Variants in FLT3 observed in about 807,000 individuals in gnomAD.
FLT3 encodes receptor-type tyrosine-protein kinase FLT3.
FLT3 carries 46 observed loss-of-function variants against 126.6 expected under a neutral mutation model. The ratio of observed to expected loss-of-function variants is 0.36; its 90% CI spans 0.29 to 0.46. The LOEUF (loss-of-function observed/expected upper bound fraction) is 0.46, where lower values mean the gene tolerates loss of function less well. Ranked by LOEUF, FLT3 falls within the 20% of genes least tolerant of loss-of-function variation. The pLI is 1.00. For synonymous variants in FLT3, 404 were observed against 434.4 expected (o/e 0.93, Z 0.87); for missense variants, 1,069 against 1,190.3 (o/e 0.90, Z 1.50).
At chr13:28,047,518 C>A (rs1874993248) in intron 9 of FLT3, among the ~76,000 whole-genome samples, 1 of 151,990 alleles carries the variant, frequency 6.6e-6, no homozygotes, top group Non-Finnish European at 1.5e-5. Flanking sequence ...CGAGACCAGC[C>A]TGCGCAACAT....
At chr13:28,086,972 C>T (rs1028299843) in intron 1 of FLT3, among the ~76,000 whole-genome samples, 1 of 152,030 alleles carries the variant, frequency 6.6e-6, no homozygotes, top group Admixed American at 6.6e-5. Context: ...TTTAACAGTT[C>T]CTATTGTGCC....
At chr13:28,037,576 T>TGA (rs1264730401) in intron 9 of FLT3, among the ~76,000 whole-genome samples, 1 of 152,166 alleles carries the variant, frequency 6.6e-6, no homozygotes. Flanking sequence ...GATCACCATG[T>TGA]GAGTCATATG....
chr13:28,077,364 G>A (rs1309792373), intron 1 of FLT3, among the ~76,000 whole-genome samples: 2 of 152,140 alleles, frequency 1.3e-5, no homozygotes, highest in South Asian at 2.1e-4. Context: ...GGCAGGAGGC[G>A]AAAGGCACTT....
Position 28,015,583 on chromosome 13 carries a change from A to G in FLT3, c.2653+7T>C. ...AGCCAAGGGAGGCCAGCAGCTGCCCAACTTACCAAGTGAGAAGATTTCCCA... is the reference window on the plus strand; with the variant it reads ...AGCCAAGGGAGGCCAGCAGCTGCCCGACTTACCAAGTGAGAAGATTTCCCA... On this transcript the variant is annotated splice_region_variant and intron_variant, in intron 21 of 23. Transcript: ENST00000241453. 6.3e-7 allele frequency: 1 copy of G among 1,579,164 alleles called. No individual in the cohort carries two copies. Among genetic ancestry groups the G allele is most frequent in the Non-Finnish European group, 8.7e-7 (1 of 1,149,686 alleles).
intron 2 of FLT3, among the ~76,000 whole-genome samples, chr13:28,065,673 TAA>T (rs1876957311): frequency 7.9e-6 from 1 of 127,272 alleles, no homozygotes. Flanking sequence ...ATAATAATAA[TAA>T]TAATAATCCA....
rs1566113614 is a variant in FLT3, at chr13:28,100,349, G to A, written c.43+119C>T. The A allele has an allele frequency of 1.5e-6, 1 of 665,362 alleles. No individual in the cohort carries two copies. The allele number at this position is 665,362 out of a possible 1,614,324, so 41.2% of individuals were successfully genotyped here. Reference sequence around the variant, plus strand: ...GGGAGGGGCGCGGGAGGCAATGGAAGGAGCGAGCGCGGGGAGGAGCGAGGC... The same window carrying A: ...GGGAGGGGCGCGGGAGGCAATGGAAAGAGCGAGCGCGGGGAGGAGCGAGGC... On this transcript the variant is annotated intron_variant, in intron 1 of 23. Transcript: ENST00000241453. This position sits in a 1 kb window ranked among gnomAD's most constrained non-coding sequence, Gnocchi z 4.8.
At chr13:28,071,449 T>C (rs575819881) in intron 1 of FLT3, among the ~76,000 whole-genome samples, 1 of 152,296 alleles carries the variant, frequency 6.6e-6, no homozygotes, top group African/African-American at 2.4e-5. Context: ...CTTTTCAATC[T>C]AGAAATTCAT....
Position 28,003,891 on chromosome 13 carries a change from T to C in FLT3, c.*161A>G, listed in dbSNP as rs1038559609. The C allele has an allele frequency of 3.9e-6, 3 of 778,388 alleles. No homozygotes were observed. The Admixed American group carries it at 8.4e-5, about 22-fold the overall frequency. 48.2% of individuals were successfully genotyped at this position (778,388 alleles called of 1,614,324 possible). A position where few individuals can be genotyped will look rare whatever the true frequency, so the allele number is the denominator to read the frequency against. On this transcript the variant is annotated 3_prime_UTR_variant, in exon 24 of 24. Coordinates refer to ENST00000241453, the MANE Select transcript of FLT3 (RefSeq NM_004119.3). ...ATGATTTGATTTTACAAAAGTCCCTTTGAAAACAAGAGTAAACGCAGACAG... is the reference window on the plus strand; with the variant it reads ...ATGATTTGATTTTACAAAAGTCCCTCTGAAAACAAGAGTAAACGCAGACAG...
intron 1 of FLT3, among the ~76,000 whole-genome samples, chr13:28,078,929 G>A (rs527316628): frequency 7.2e-4 from 110 of 152,240 alleles, no homozygotes; most frequent in African/African-American, 2.5e-3. Flanking sequence ...TGCTAGGCTG[G>A]TCTTGAACTC....
chr13:28,064,370 C>T (rs1056685300), intron 2 of FLT3, among the ~76,000 whole-genome samples: 1 of 151,856 alleles, frequency 6.6e-6, no homozygotes, highest in African/African-American at 2.4e-5. Context: ...GTCAGGAGTT[C>T]GAGACCAGCC....
At chr13:28,093,883 G>T (rs1040194544) in intron 1 of FLT3, among the ~76,000 whole-genome samples, 2 of 151,914 alleles carry the variant, frequency 1.3e-5, no homozygotes, top group South Asian at 4.2e-4. Flanking sequence ...AGACATAGAC[G>T]GCGCTCAAAA....
chr13:28,057,033 G>A (rs540142232), intron 4 of FLT3, among the ~76,000 whole-genome samples: 4 of 152,150 alleles, frequency 2.6e-5, no homozygotes, highest in Admixed American at 2.6e-4. Context: ...TTAGAACAGA[G>A]GTCTTCTGAT....
At position 28,014,443 on chromosome 13, in the gene FLT3, G is replaced by A; in HGVS notation, c.2859+9C>T. ...TGTAAAGCTTTATAAAGTCCTGGCT[G>A]CTACATACCGCTTCTTCTGCATCTG... On this transcript the variant is annotated intron_variant, in intron 23 of 23. Transcript: ENST00000241453. 1 of 1,584,658 alleles carries A rather than the reference G, an allele frequency of 6.3e-7. No individual in the cohort carries two copies. The highest frequency in any genetic ancestry group is 8.7e-7 in the Non-Finnish European group (1 of 1,153,218).
intron 20 of FLT3, among the ~76,000 whole-genome samples, chr13:28,017,671 T>G (rs142251311): frequency 0.091 from 13,743 of 150,614 alleles, 697 homozygotes; most frequent in Middle Eastern, 0.11. Flanking sequence ...TGTTGTTTTT[T>G]TTTTTTTTTT....
chr13:28,004,166 C>T lies in FLT3; in HGVS notation c.2868G>A (p.Gln956=), dbSNP rs1226180343. Residue 956 remains glutamine, a synonymous_variant, in exon 24 of 24, where the codon CAG becomes CAA. Coordinates refer to ENST00000241453, the MANE Select transcript of FLT3 (RefSeq NM_004119.3). ...QLADAEEAMY[Q]NVDGRVSECP... is the part of the protein sequence containing the mutation. ...ATTCCGAAACACGGCCATCCACATT[C>T]TGATACATCTGAATGTGGGAAAGAG... 3.7e-6 allele frequency: 6 copies of T among 1,613,924 alleles called. No individual in the cohort carries two copies. Among genetic ancestry groups the T allele is most frequent in the South Asian group, 2.2e-5 (2 of 91,072 alleles).
chr13:28,038,892 C>T lies in FLT3; in HGVS notation c.1206-1604G>A, dbSNP rs150506197. Among the ~76,000 whole-genome samples, 103 of 152,156 alleles carry T rather than the reference C, an allele frequency of 6.8e-4. No homozygotes were observed. In the East Asian group the frequency reaches 0.012, roughly 18 times the overall value. On this transcript the variant is annotated intron_variant, in intron 9 of 23. Transcript: ENST00000241453. ...TAGGTAGCTCCTATCTTCAAAGATA[C>T]CTAAACCGGGTGGATAGACAGGACC...
At chr13:28,073,180 A>T (rs577055657) in intron 1 of FLT3, among the ~76,000 whole-genome samples, 167 of 151,880 alleles carry the variant, frequency 1.1e-3, no homozygotes, top group Non-Finnish European at 2.0e-3. Context: ...ATCTCTAAAA[A>T]TTTTTTTTAA....
rs1357181400 is a variant in FLT3, at chr13:28,033,996, A to G, written c.1838-5T>C. On this transcript the variant is annotated splice_region_variant and splice_polypyrimidine_tract_variant and intron_variant, in intron 14 of 23. Coordinates refer to ENST00000241453, the MANE Select transcript of FLT3 (RefSeq NM_004119.3). The stretch of plus-strand genomic sequence containing the variant: ...CACCTGATCCTAGTACCTTCCCTGC[A>G]AAGACAAATGGTGAGTACGTGCATT... The G allele has an allele frequency of 1.7e-5, 28 of 1,613,924 alleles. No homozygotes were observed. Among genetic ancestry groups the G allele is most frequent in the Non-Finnish European group, 2.4e-5 (28 of 1,179,896 alleles).
At chr13:28,061,754 G>A (rs986193340) in intron 3 of FLT3, 113 bp downstream of exon 3, 5 of 757,598 alleles carry the variant, frequency 6.6e-6, no homozygotes, top group African/African-American at 5.3e-5. Context: ...CTGGGTGACA[G>A]AGAGAGACCC....
Sources: gnomAD v4.1 joint callset for allele counts (sites outside exome capture counted in the v4.1 genomes callset) on GRCh38, gnomAD v4.1.1 for gene constraint, Gnocchi (gnomAD v3.1) non-coding constraint, MANE v1.5 for transcripts, NCBI Gene and HGNC (gene_info 2026-07-23, HGNC 2026-07-21) for gene names.